Variants in PDCD11 observed in about 807,000 individuals in gnomAD.
The protein encoded by PDCD11 is protein RRP5 homolog.
In PDCD11, 97 loss-of-function variants were observed where a neutral mutation model predicts 198.9. The observed-to-expected ratio is 0.49, with a 90% CI of 0.41 to 0.58. The LOEUF (loss-of-function observed/expected upper bound fraction) is 0.58, where lower values mean the gene tolerates loss of function less well. Ranked by LOEUF, PDCD11 falls within the 20% of genes least tolerant of loss-of-function variation. The pLI is 0.00. For synonymous variants in PDCD11, 893 were observed against 918.0 expected, an observed-to-expected ratio of 0.97 and a Z score of 0.49; for missense variants, 2,102 against 2,312.7, an observed-to-expected ratio of 0.91 and a Z score of 1.87.
At chr10:103,400,212 TGGC>T (rs1183179090) in intron 2 of PDCD11, among the ~76,000 whole-genome samples, 182 bp from the exon 3 acceptor site, 2 of 136,228 alleles carry the variant, frequency 1.5e-5, no homozygotes, top group Admixed American at 7.4e-5. Context: ...GAGGGAACAT[TGGC>T]GGCCCCCCCC....
rs1290317189 is a variant in PDCD11 at position 103,431,909 on chromosome 10, TA to T, written c.3369-216del. Among the ~76,000 whole-genome samples the T allele has an allele frequency of 2.6e-5, 4 of 152,356 alleles. No individual in the cohort carries two copies. The East Asian group carries it at 7.7e-4, about 29-fold the overall frequency. On this transcript the variant is annotated intron_variant, in intron 21 of 35. Transcript: ENST00000369797. ...AAAGCCTATTGTGGGCTACCTGCTT[TA>T]AAAGCAGCTTGTTCATAAGTAGATG...
In PDCD11 at chr10:103,445,456, C is replaced by T. The variant is rs368103323; in HGVS notation, c.5523C>T (p.Tyr1841=). ...TCTTCTTCAAGCGCTACCTGGACTACGAGAAGCAGCATGGCACTGAGAAGG... is the reference window on the plus strand; with the variant it reads ...TCTTCTTCAAGCGCTACCTGGACTATGAGAAGCAGCATGGCACTGAGAAGG... ...MKFFFKRYLD[Y]EKQHGTEKDV... is the part of the protein sequence containing the mutation. Residue 1841 remains tyrosine (Y), a synonymous_variant, in exon 36 of 36, where the codon TAC becomes TAT. Coordinates refer to ENST00000369797, the MANE Select transcript of PDCD11 (RefSeq NM_014976.2). 39 of 1,614,168 alleles carry T rather than the reference C, an allele frequency of 2.4e-5. No individual in the cohort carries two copies. Among genetic ancestry groups the T allele is most frequent in the Non-Finnish European group, 2.7e-5 (32 of 1,180,022 alleles).
At position 103,405,851 on chromosome 10, in the gene PDCD11, G is replaced by T; in HGVS notation, c.565-134G>T. ...GATGTCTGCTGTCTAGTGGGATTGT[G>T]GCTTAAGGTTTAATGTGGGAGTGGG... On this transcript the variant is annotated intron_variant, in intron 5 of 35. Coordinates refer to ENST00000369797, the MANE Select transcript of PDCD11 (RefSeq NM_014976.2). 4.4e-6 allele frequency: 4 copies of T among 917,420 alleles called. No homozygotes were observed. The South Asian group carries it at 4.7e-5, about 11-fold the overall frequency. 56.8% of individuals were successfully genotyped at this position (917,420 alleles called of 1,614,324 possible). A position where few individuals can be genotyped will look rare whatever the true frequency, so the allele number is the denominator to read the frequency against.
At chr10:103,400,354 T>C (rs746392534) in intron 2 of PDCD11, 43 bp from the exon 3 acceptor site, 2 of 1,586,178 alleles carry the variant, frequency 1.3e-6, no homozygotes, top group Non-Finnish European at 8.5e-7. Context: ...AGATTGCTTC[T>C]TATTCTTTTG....
chr10:103,406,804 C>T lies in PDCD11; in HGVS notation c.870+14C>T. The T allele has an allele frequency of 6.4e-7, 1 of 1,557,386 alleles. No homozygotes were observed. The highest frequency in any genetic ancestry group is 8.7e-7 in the Non-Finnish European group (1 of 1,150,258). On this transcript the variant is annotated intron_variant, in intron 7 of 35. Transcript: ENST00000369797. ...CAGGTACAGAAGGTAAGCTGTTATG[C>T]TACTACTACTTTTTAAAATAAAAAT...
chr10:103,441,757 G>A (rs931028403), intron 30 of PDCD11, 69 bp from the exon 31 acceptor site: 8 of 1,449,580 alleles, frequency 5.5e-6, no homozygotes, highest in African/African-American at 1.4e-5. Flanking sequence ...TCCTCCAGGT[G>A]GGCTGGCACG....
chr10:103,419,836 C>A, intron 16 of PDCD11, 128 bp downstream of exon 16: 1 of 816,406 alleles, frequency 1.2e-6, no homozygotes, highest in Non-Finnish European at 1.8e-6. Context: ...GTCGCCCAGG[C>A]TGGCTTGCAG....
chr10:103,440,608 G>A (rs2032342972), intron 29 of PDCD11, 27 bp downstream of exon 29: 8 of 1,608,478 alleles, frequency 5.0e-6, no homozygotes, highest in African/African-American at 1.3e-5. Flanking sequence ...GGCTGTGGCT[G>A]CCTATCCTCC....
chr10:103,408,836 A>T (rs2030619999), intron 7 of PDCD11, among the ~76,000 whole-genome samples: 1 of 151,992 alleles, frequency 6.6e-6, no homozygotes, highest in Non-Finnish European at 1.5e-5. Flanking sequence ...CACTGCGCCC[A>T]CCTTCTTGTT....
Position 103,423,013 on chromosome 10 carries a change from C to A in PDCD11, c.2523C>A (p.Ala841=). Residue 841 remains alanine (A), a synonymous_variant, in exon 18 of 36, where the codon GCC becomes GCA. Transcript: ENST00000369797. The part of the protein sequence containing the change: ...NRDSVLIQTL[A]EMTPGMFLDL... The stretch of plus-strand genomic sequence containing the variant: ...ACTCTGTGTTGATCCAGACGCTGGC[C>A]GAGATGACCCCAGGAATGTTCCTTG... 1 of 1,580,810 alleles carries A rather than the reference C, an allele frequency of 6.3e-7. No individual in the cohort carries two copies. Among genetic ancestry groups the A allele is most frequent in the South Asian group, 1.2e-5 (1 of 85,196 alleles).
chr10:103,434,984 A>C lies in PDCD11; in HGVS notation c.3845+9A>C. On this transcript the variant is annotated intron_variant, in intron 25 of 35. Coordinates refer to ENST00000369797, the MANE Select transcript of PDCD11 (RefSeq NM_014976.2). ...CCCCAGAAGGTTGTCAGGTAAGCGA[A>C]GTGTTCTTCCTCTTTTCACCTGTCT... The C allele has an allele frequency of 6.6e-7, 1 of 1,516,574 alleles. No individual in the cohort carries two copies. The highest frequency in any genetic ancestry group is 8.9e-7 in the Non-Finnish European group (1 of 1,126,362). 93.9% of individuals were successfully genotyped at this position (1,516,574 alleles called of 1,614,324 possible). A position where few individuals can be genotyped will look rare whatever the true frequency, so the allele number is the denominator to read the frequency against.
chr10:103,441,753 A>C, intron 30 of PDCD11, 73 bp from the exon 31 acceptor site: 3 of 1,423,176 alleles, frequency 2.1e-6, no homozygotes, highest in Non-Finnish European at 1.9e-6. Flanking sequence ...ATGCTCCTCC[A>C]GGTGGGCTGG....
intron 20 of PDCD11, among the ~76,000 whole-genome samples, chr10:103,427,122 A>T (rs1300096464): frequency 2.0e-5 from 3 of 151,266 alleles, no homozygotes; most frequent in African/African-American, 7.4e-5. Flanking sequence ...AAAAAAAAAA[A>T]TTCAGATGAG....
rs549104316 is a variant in PDCD11 at position 103,403,484 on chromosome 10, G to A, written c.402+199G>A. On this transcript the variant is annotated intron_variant, in intron 4 of 35. Transcript: ENST00000369797. The stretch of plus-strand genomic sequence containing the variant: ...TTAAGCTGAGATCTAAAGAATGAGG[G>A]TTCCCTAGATAAAGAAGGAAAGGCG... Among the ~76,000 whole-genome samples the A allele has an allele frequency of 2.1e-4, 32 of 152,228 alleles. No individual in the cohort carries two copies. The South Asian group carries it at 6.4e-3, about 31-fold the overall frequency.
intron 25 of PDCD11, among the ~76,000 whole-genome samples, chr10:103,437,799 T>G (rs1409440451): frequency 6.6e-6 from 1 of 152,146 alleles, no homozygotes. Flanking sequence ...GGTAGTGTTA[T>G]TTCTATTTAA....
In PDCD11 at chr10:103,406,509, C is replaced by T. The variant is rs570516322; in HGVS notation, c.689-100C>T. ...TGGGGAGTAACTGATGCTAACTGGG[C>T]AGGTAGGCCATGGGTCTTTTCAGGT... On this transcript the variant is annotated intron_variant, in intron 6 of 35. Transcript: ENST00000369797. 5.0e-6 allele frequency: 5 copies of T among 1,002,502 alleles called. No individual in the cohort carries two copies. In the South Asian group the frequency reaches 5.1e-5, roughly 10 times the overall value. The allele number at this position is 1,002,502 out of a possible 1,614,324, so 62.1% of individuals were successfully genotyped here.
intron 21 of PDCD11, among the ~76,000 whole-genome samples, chr10:103,429,836 TC>T (rs2031854242): frequency 6.6e-6 from 1 of 152,096 alleles, no homozygotes; most frequent in African/African-American, 2.4e-5. Flanking sequence ...CATTTCCCCT[TC>T]CGTCTCAGTG....
At position 103,421,385 on chromosome 10, in the gene PDCD11, A is replaced by G. The variant is rs1238580309; in HGVS notation, c.2315A>G (p.His772Arg). 1.9e-6 allele frequency: 3 copies of G among 1,609,778 alleles called. No individual in the cohort carries two copies. The African/African-American group carries it at 4.0e-5, about 22-fold the overall frequency. Reference sequence around the variant, plus strand: ...AAATTTGTGACCTCCACAAGTGACCACTTTGTTGAGGGCCAGACAGTAGCG... The same window carrying G: ...AAATTTGTGACCTCCACAAGTGACCGCTTTGTTGAGGGCCAGACAGTAGCG... ...SDKFVTSTSD[H>R]FVEGQTVAAK... Residue 772 changes from histidine to arginine, a missense_variant, in exon 17 of 36, where the codon CAC (histidine) becomes CGC (arginine). Coordinates refer to ENST00000369797, the MANE Select transcript of PDCD11 (RefSeq NM_014976.2).
rs2032565544 is a variant in PDCD11 at position 103,445,414 on chromosome 10, C to T, written c.5481C>T (p.Ala1827=). 1 of 1,614,194 alleles carries T rather than the reference C, an allele frequency of 6.2e-7. No individual in the cohort carries two copies. Among genetic ancestry groups the T allele is most frequent in the Non-Finnish European group, 8.5e-7 (1 of 1,180,018 alleles). ...IFERVIHLSL[A]PKRMKFFFKR... ...AGCGGGTCATTCATCTGAGCTTGGC[C>T]CCCAAGAGAATGAAGTTCTTCTTCA... is the stretch of plus-strand genomic sequence containing the variant. The change falls in exon 36 of 36, where the codon GCC becomes GCT. Residue 1827 remains alanine (A), a synonymous_variant. Coordinates refer to ENST00000369797, the MANE Select transcript of PDCD11 (RefSeq NM_014976.2).
Sources: gnomAD v4.1 joint callset for allele counts (sites outside exome capture counted in the v4.1 genomes callset) on GRCh38, gnomAD v4.1.1 for gene constraint, MANE v1.5 for transcripts, NCBI Gene and HGNC (gene_info 2026-07-23, HGNC 2026-07-21) for gene names.